GPM6B: variants seen among roughly 807,000 people sequenced by gnomAD.
The protein encoded by GPM6B is neuronal membrane glycoprotein M6-b.
Under a neutral mutation model 27.2 loss-of-function variants are expected in GPM6B, and 4 were observed. That is an observed-to-expected ratio of 0.15 (90% CI 0.07 to 0.34). GPM6B has a LOEUF of 0.34. Among genes scored for constraint, GPM6B ranks in the 10% least tolerant of loss-of-function variants. The pLI, the probability that GPM6B is intolerant of heterozygous loss-of-function variation, is 1.00. For synonymous variants in GPM6B, 124 were observed against 103.1 expected (o/e 1.20, Z -1.23); for missense variants, 183 against 261.9 (o/e 0.70, Z 2.08).
intron 1 of GPM6B, among the ~76,000 whole-genome samples, chrX:13,919,605 T>C (rs1039464176): frequency 4.4e-5 from 5 of 112,408 alleles, no homozygotes; most frequent in Non-Finnish European, 9.4e-5. Flanking sequence ...TTCAACTAAA[T>C]ATATGGGTGA....
At chrX:13,814,370 A>G (rs1185422921) in intron 1 of GPM6B, among the ~76,000 whole-genome samples, 1 of 112,041 alleles carries the variant, frequency 8.9e-6, no homozygotes, top group Non-Finnish European at 1.9e-5. Flanking sequence ...AAAAATATAT[A>G]TGTGCATAAA....
At chrX:13,817,557 T>G (rs1039274233), upstream of GPM6B, among the ~76,000 whole-genome samples, 2 of 112,479 alleles carry the variant, frequency 1.8e-5, no homozygotes, top group African/African-American at 3.2e-5. Flanking sequence ...ATGTATCAGT[T>G]TATTTCATTT....
chrX:13,905,289 A>G (rs1221403668), intron 1 of GPM6B, among the ~76,000 whole-genome samples: 4 of 110,362 alleles, frequency 3.6e-5, no homozygotes, highest in African/African-American at 1.3e-4. Flanking sequence ...GATGCTCAAA[A>G]AATCCAATTA....
chrX:13,875,438 A>T (rs936778180), intron 1 of GPM6B, among the ~76,000 whole-genome samples: 5 of 111,596 alleles, frequency 4.5e-5, no homozygotes, highest in Non-Finnish European at 7.5e-5. Flanking sequence ...GCAGAGGAGG[A>T]CTGGCATGAG....
At chrX:13,931,354 G>A (rs749990830) in intron 1 of GPM6B, among the ~76,000 whole-genome samples, 6 of 109,724 alleles carry the variant, frequency 5.5e-5, no homozygotes, top group Non-Finnish European at 1.1e-4. Context: ...CGGGCATGGT[G>A]GTGGGCGCCT....
chrX:13,875,387 C>T (rs185311999), intron 1 of GPM6B, among the ~76,000 whole-genome samples: 26 of 111,522 alleles, frequency 2.3e-4, no homozygotes, highest in Admixed American at 2.3e-3. Context: ...AAGGTGGAGG[C>T]GAGTCCTAAC....
chrX:13,803,093 G>A (rs1171499152), intron 2 of GPM6B, among the ~76,000 whole-genome samples: 1 of 111,763 alleles, frequency 8.9e-6, no homozygotes, highest in Non-Finnish European at 1.9e-5. Flanking sequence ...AAAGAACAAT[G>A]ACAAAAATCC....
intron 6 of GPM6B, among the ~76,000 whole-genome samples, chrX:13,776,956 C>A (rs940087338): frequency 9.0e-6 from 1 of 111,435 alleles, no homozygotes; most frequent in Non-Finnish European, 1.9e-5. Flanking sequence ...TAGAGGGACT[C>A]CTCTATGAAA....
chrX:13,840,833 T>C (rs1194380738), intron 1 of GPM6B, among the ~76,000 whole-genome samples: 1 of 112,348 alleles, frequency 8.9e-6, no homozygotes, highest in Non-Finnish European at 1.9e-5. Flanking sequence ...TGTGTGTATG[T>C]AGGTATATAC....
At chrX:13,867,097 G>A (rs948448974) in intron 1 of GPM6B, among the ~76,000 whole-genome samples, 4 of 88,355 alleles carry the variant, frequency 4.5e-5, no homozygotes, top group Non-Finnish European at 8.8e-5. Context: ...ACAAACCATG[G>A]GAATCATGAA....
At chrX:13,774,641 A>G in intron 7 of GPM6B, 1 of 1,163,521 alleles carries the variant, frequency 8.6e-7, no homozygotes, top group Non-Finnish European at 1.2e-6. Flanking sequence ...GAAGAGAACA[A>G]AACAGGACAG....
chrX:13,935,236 C>T (rs762226567), intron 1 of GPM6B, among the ~76,000 whole-genome samples: 23 of 108,028 alleles, frequency 2.1e-4, no homozygotes, highest in South Asian at 1.2e-3. Flanking sequence ...CAGTGGCTCA[C>T]GCCTGTAATC....
chrX:13,852,633 C>G (rs2049731454), intron 1 of GPM6B, among the ~76,000 whole-genome samples: 1 of 111,478 alleles, frequency 9.0e-6, no homozygotes, highest in Non-Finnish European at 1.9e-5. Flanking sequence ...TAATCACATA[C>G]AACTTCTTCG....
intron 4 of GPM6B, 98 bp downstream of exon 4, chrX:13,783,267 C>T (rs1234053692): frequency 5.5e-6 from 4 of 729,649 alleles, no homozygotes; most frequent in Non-Finnish European, 8.0e-6. Context: ...CCTCCATTCA[C>T]GCTCGATACC....
intron 1 of GPM6B, among the ~76,000 whole-genome samples, chrX:13,823,245 T>G (rs1423895145): frequency 1.8e-5 from 2 of 112,493 alleles, no homozygotes; most frequent in Non-Finnish European, 3.8e-5. Context: ...CTACGTGAAC[T>G]ATAAGCCGTC....
intron 1 of GPM6B, among the ~76,000 whole-genome samples, chrX:13,860,124 A>T (rs760534141): frequency 8.9e-6 from 1 of 112,719 alleles, no homozygotes; most frequent in South Asian, 3.7e-4. Flanking sequence ...GTTGAAAGAA[A>T]AACTATCAGT....
intron 1 of GPM6B, among the ~76,000 whole-genome samples, chrX:13,898,234 T>A (rs2050250792): frequency 8.9e-6 from 1 of 111,831 alleles, no homozygotes; most frequent in South Asian, 3.7e-4. Flanking sequence ...TTTAGCAGCA[T>A]CCCTGGCCTC....
chrX:13,899,097 G>T (rs1334529048), intron 1 of GPM6B, among the ~76,000 whole-genome samples: 1 of 111,049 alleles, frequency 9.0e-6, no homozygotes, highest in Non-Finnish European at 1.9e-5. Context: ...AGACAGATAT[G>T]CAGTGTATCT....
chrX:13,808,178 G>A (rs2049059043), intron 1 of GPM6B, among the ~76,000 whole-genome samples: 1 of 112,468 alleles, frequency 8.9e-6, no homozygotes, highest in Non-Finnish European at 1.9e-5. Context: ...CTCCCTCTCT[G>A]TAAGGGTACC....
Sources: allele counts gnomAD v4.1 joint callset (sites outside exome capture counted in the v4.1 genomes callset), GRCh38; gene constraint gnomAD v4.1.1; transcripts MANE v1.5; gene names NCBI Gene and HGNC (gene_info 2026-07-23, HGNC 2026-07-21).